The following ABCC9 variants were observed in gnomAD, a reference collection of about 807,000 sequenced individuals.
The protein encoded by ABCC9 is ATP-binding cassette sub-family C member 9.
A neutral mutation model predicts 188.3 loss-of-function variants in ABCC9; 95 were observed. The ratio of observed to expected loss-of-function variants is 0.50; its 90% CI spans 0.43 to 0.60. ABCC9 has a LOEUF of 0.60. Among genes scored for constraint, ABCC9 ranks in the 20% least tolerant of loss-of-function variants. ABCC9 has a pLI of 0.00. For missense variants in ABCC9, 1,102 were observed against 1,876.3 expected (o/e 0.59, Z 7.62); for synonymous variants, 659 against 652.7 (o/e 1.01, Z -0.15).
rs373832548 is a variant in ABCC9, at chr12:21,817,167, A to C, written c.3892+20T>G. On this transcript the variant is annotated intron_variant, in intron 33 of 39. Coordinates refer to ENST00000261200, the MANE Select transcript of ABCC9 (RefSeq NM_020297.4). Reference sequence around the variant, plus strand: ...TTAAAATAAATATTTAAGTGAGACAAACAATATTTAGAGCAATACCCATTG... The same window carrying C: ...TTAAAATAAATATTTAAGTGAGACACACAATATTTAGAGCAATACCCATTG... The C allele has an allele frequency of 1.2e-6, 2 of 1,611,070 alleles. No individual in the cohort carries two copies.
chr12:21,875,357 TA>T (rs760034315), intron 17 of ABCC9, among the ~76,000 whole-genome samples: 91 of 152,198 alleles, frequency 6.0e-4, no homozygotes, highest in Non-Finnish European at 1.0e-3. Flanking sequence ...ACTCTTTCTT[TA>T]AAGTGTTTCT....
chr12:21,850,895 C>T (rs1306138054), intron 24 of ABCC9, among the ~76,000 whole-genome samples: 1 of 151,840 alleles, frequency 6.6e-6, no homozygotes, highest in Non-Finnish European at 1.5e-5. Context: ...CTTTTTTTGC[C>T]AAATATCCTC....
rs1029740358 is a variant in ABCC9 at position 21,925,521 on chromosome 12, T to A, written c.406+421A>T. 8.5e-6 allele frequency: 6 copies of A among 702,472 alleles called. No individual in the cohort carries two copies. The Admixed American group carries it at 1.2e-4, about 14-fold the overall frequency. 43.5% of individuals were successfully genotyped at this position (702,472 alleles called of 1,614,324 possible). ...GTGAAAGGCTTGAACCTTGGGAAAA[T>A]GTCCTTGGACTCCAAGCCAGAGACA... On this transcript the variant is annotated intron_variant, in intron 5 of 39. Coordinates refer to ENST00000261200, the MANE Select transcript of ABCC9 (RefSeq NM_020297.4).
At chr12:21,842,226 T>C in intron 29 of ABCC9, 88 bp downstream of exon 29, 1 of 1,467,462 alleles carries the variant, frequency 6.8e-7, no homozygotes, top group Non-Finnish European at 9.3e-7. Context: ...TTCCAAATAT[T>C]TTTGATCTGT....
At chr12:21,915,197 G>A (rs1948483944) in intron 7 of ABCC9, among the ~76,000 whole-genome samples, 1 of 149,550 alleles carries the variant, frequency 6.7e-6, no homozygotes. Flanking sequence ...CATCGTGCCT[G>A]GCCTAAGCTT....
intron 7 of ABCC9, among the ~76,000 whole-genome samples, chr12:21,913,757 C>A (rs561933874): frequency 6.6e-6 from 1 of 152,214 alleles, no homozygotes; most frequent in African/African-American, 2.4e-5. Flanking sequence ...ATTTTAAGAC[C>A]TGAGCAATCA....
chr12:21,875,227 T>C (rs1215414650), intron 17 of ABCC9, among the ~76,000 whole-genome samples: 1 of 152,208 alleles, frequency 6.6e-6, no homozygotes, highest in African/African-American at 2.4e-5. Context: ...TATGGATCAA[T>C]TACACTTCAA....
intron 39 of ABCC9, 37 bp downstream of exon 39, chr12:21,805,961 C>A: frequency 6.2e-7 from 1 of 1,601,504 alleles, no homozygotes; most frequent in Middle Eastern, 1.7e-4. Context: ...AGAACAAAAA[C>A]CAAAGAGGTA....
Position 21,858,703 on chromosome 12 carries a change from A to T in ABCC9, c.2505+883T>A, listed in dbSNP as rs182132822. Among the ~76,000 whole-genome samples the T allele has an allele frequency of 5.9e-5, 9 of 152,282 alleles. No homozygotes were observed. The East Asian group carries it at 1.5e-3, about 26-fold the overall frequency. On this transcript the variant is annotated intron_variant, in intron 22 of 39. Coordinates refer to ENST00000261200, the MANE Select transcript of ABCC9 (RefSeq NM_020297.4). ...GGTATTCTTAGGGGGATGAATTAGT[A>T]TGTCCAAATTCTGCTACCATCCCCA...
intron 37 of ABCC9, among the ~76,000 whole-genome samples, chr12:21,808,048 C>CT (rs1011542061): frequency 2.9e-4 from 43 of 150,664 alleles, no homozygotes; most frequent in East Asian, 5.9e-4. Context: ...TTATCCTTTT[C>CT]TTTTTTTTTG....
In ABCC9 at chr12:21,859,573, GC is replaced by G; in HGVS notation, c.2505+12del. ...GAATGAAATAGAAATAAAAGGGAAG[GC>G]CATATTCTTACCAAAAAGACAATGT... On this transcript the variant is annotated intron_variant, in intron 22 of 39. Transcript: ENST00000261200. 2 of 1,611,166 alleles carry G rather than the reference GC, an allele frequency of 1.2e-6. No individual in the cohort carries two copies. The highest frequency in any genetic ancestry group is 1.7e-6 in the Non-Finnish European group (2 of 1,177,444).
chr12:21,894,237 G>C (rs1036499613), intron 13 of ABCC9, 63 bp from the exon 14 acceptor site: 2 of 1,579,010 alleles, frequency 1.3e-6, no homozygotes, highest in African/African-American at 2.7e-5. Flanking sequence ...CGTACATTCA[G>C]TCCTAGAAAC....
intron 7 of ABCC9, among the ~76,000 whole-genome samples, 154 bp downstream of exon 7, chr12:21,915,514 A>ATATTTTTTTTTTTTTTTTTTT: frequency 2.8e-4 from 1 of 3,520 alleles, no homozygotes; most frequent in Non-Finnish European, 4.7e-4. Flanking sequence ...ATATATATAT[A>ATATTTTTTTTTTTTTTTTTTT]TTTTTTTTTT....
At chr12:21,881,872 G>A (rs891654051) in intron 16 of ABCC9, among the ~76,000 whole-genome samples, 1 of 152,116 alleles carries the variant, frequency 6.6e-6, no homozygotes, top group East Asian at 1.9e-4. Context: ...CTCAAGATGG[G>A]CAAACCATGG....
chr12:21,858,733 C>T (rs1945353185), intron 22 of ABCC9, among the ~76,000 whole-genome samples: 1 of 152,148 alleles, frequency 6.6e-6, no homozygotes, highest in South Asian at 2.1e-4. Flanking sequence ...TCCCCAATGA[C>T]AGATCCAAAT....
At chr12:21,850,779 A>G (rs971358419) in intron 24 of ABCC9, among the ~76,000 whole-genome samples, 4 of 152,022 alleles carry the variant, frequency 2.6e-5, no homozygotes, top group Non-Finnish European at 4.4e-5. Flanking sequence ...TGTCATTTGG[A>G]GTTATCCCCG....
intron 24 of ABCC9, among the ~76,000 whole-genome samples, chr12:21,848,556 A>G (rs183336289): frequency 6.6e-6 from 1 of 152,314 alleles, no homozygotes; most frequent in African/African-American, 2.4e-5. Flanking sequence ...TACCATTGCT[A>G]CTTATTTTTA....
At chr12:21,854,606 G>T (rs1248225167) in intron 22 of ABCC9, among the ~76,000 whole-genome samples, 1 of 152,210 alleles carries the variant, frequency 6.6e-6, no homozygotes, top group Non-Finnish European at 1.5e-5. Flanking sequence ...TTTCTGAGAT[G>T]TTGCAATAAG....
chr12:21,880,807 G>T (rs1946582568), intron 16 of ABCC9, among the ~76,000 whole-genome samples: 1 of 152,062 alleles, frequency 6.6e-6, no homozygotes. Flanking sequence ...AAAGCAGTTT[G>T]CCATTATCTA....
Sources: allele counts gnomAD v4.1 joint callset (sites outside exome capture counted in the v4.1 genomes callset), GRCh38; gene constraint gnomAD v4.1.1; transcripts MANE v1.5; gene names NCBI Gene and HGNC (gene_info 2026-07-23, HGNC 2026-07-21).